The following MYBPH variants were observed in gnomAD, a reference collection of about 807,000 sequenced individuals.
MYBPH encodes myosin-binding protein H.
Under a neutral mutation model 53.6 loss-of-function variants are expected in MYBPH, and 49 were observed. The ratio of observed to expected loss-of-function variants is 0.91; its 90% confidence interval spans 0.73 to 1.16. The LOEUF is 1.16. Among genes scored for constraint, MYBPH ranks in the 50% most tolerant of loss-of-function variants. The pLI, the probability that MYBPH is intolerant of heterozygous loss-of-function variation, is 0.00. For synonymous variants in MYBPH, 239 were observed against 249.6 expected (o/e 0.96, Z 0.40); for missense variants, 558 against 624.1 (o/e 0.89, Z 1.13).
At chr1:203,174,260 A>T (rs1571822733) in intron 3 of MYBPH, 170 bp downstream of exon 3, 1 of 965,436 alleles carries the variant, frequency 1.0e-6, no homozygotes. Flanking sequence ...CTTACTGCTG[A>T]GGAACCTGGA....
At position 203,170,330 on chromosome 1, in the gene MYBPH, C is replaced by A. The variant is rs1295215452; in HGVS notation, c.1054G>T (p.Ala352Ser). ...SENLCGLSTS[A>S]TVTKELAHIQ... is the part of the protein sequence containing the mutation. ...TGGGCGAGCTCCTTGGTGACGGTGGCCGAGGTGCTGAGTCCACACAGGTTT... is the reference window on the plus strand; with the variant it reads ...TGGGCGAGCTCCTTGGTGACGGTGGACGAGGTGCTGAGTCCACACAGGTTT... The change falls in exon 7 of 11, where the codon GCC becomes TCC. Residue 352 changes from alanine (A) to serine (S), a missense_variant. Physicochemically the swap from Ala to Ser is moderately conservative, Grantham distance 99. Coordinates refer to ENST00000255416, the MANE Select transcript of MYBPH (RefSeq NM_004997.3). 1 of 1,614,098 alleles carries A rather than the reference C, an allele frequency of 6.2e-7. No individual in the cohort carries two copies. The highest frequency in any genetic ancestry group is 8.5e-7 in the Non-Finnish European group (1 of 1,180,004).
intron 6 of MYBPH, 133 bp from the exon 7 acceptor site, chr1:203,170,583 C>G: frequency 8.3e-7 from 1 of 1,207,342 alleles, no homozygotes; most frequent in South Asian, 1.6e-5. Context: ...AGCTTTGGGC[C>G]TCAGGGACAT....
At position 203,170,459 on chromosome 1, in the gene MYBPH, C is replaced by G; in HGVS notation, c.934-9G>C. On this transcript the variant is annotated splice_polypyrimidine_tract_variant and intron_variant, in intron 6 of 10. Coordinates refer to ENST00000255416, the MANE Select transcript of MYBPH (RefSeq NM_004997.3). ...AGCACTGTGAACCATTGCTGCAGGG[C>G]CCCGGGTGTCACCCTCATTTCTCAC... is the stretch of plus-strand genomic sequence containing the variant. 6.2e-7 allele frequency: 1 copy of G among 1,612,718 alleles called. No homozygotes were observed. Among genetic ancestry groups the G allele is most frequent in the Admixed American group, 1.7e-5 (1 of 59,926 alleles).
intron 8 of MYBPH, 49 bp downstream of exon 8, chr1:203,169,204 C>T: frequency 6.3e-7 from 1 of 1,576,480 alleles, no homozygotes; most frequent in Non-Finnish European, 8.6e-7. Context: ...GCCCTGCTGT[C>T]CCCACCTGCC....
In MYBPH at chr1:203,171,681, C is replaced by T; in HGVS notation, c.598-103G>A. 1 of 1,227,510 alleles carries T rather than the reference C, an allele frequency of 8.1e-7. No homozygotes were observed. The highest frequency in any genetic ancestry group is 1.1e-6 in the Non-Finnish European group (1 of 907,020). 76.0% of individuals were successfully genotyped at this position (1,227,510 alleles called of 1,614,324 possible). ...GAGCTGTTCTCGGGGAAGCCTGTCC[C>T]ACTGGCCCTTCTCAGGAGGGGCAGC... On this transcript the variant is annotated intron_variant, in intron 4 of 10. Coordinates refer to ENST00000255416, the MANE Select transcript of MYBPH (RefSeq NM_004997.3). The surrounding 1 kb of genome is among the most constrained non-coding windows in gnomAD (Gnocchi z 4.2).
chr1:203,178,465 C>G (rs934556799), upstream of MYBPH, among the ~76,000 whole-genome samples: 8 of 152,154 alleles, frequency 5.3e-5, no homozygotes, highest in Non-Finnish European at 1.2e-4. Flanking sequence ...ACTCCAGTCC[C>G]GAGAGGCAGG....
chr1:203,169,155 A>G (rs1272735568), intron 8 of MYBPH, 63 bp from the exon 9 acceptor site: 6 of 1,593,388 alleles, frequency 3.8e-6, no homozygotes, highest in Non-Finnish European at 8.6e-7. Flanking sequence ...CTCAACAGCT[A>G]TCCCCAGGCT....
chr1:203,174,202 G>A (rs1197169386), intron 3 of MYBPH, among the ~76,000 whole-genome samples: 1 of 152,222 alleles, frequency 6.6e-6, no homozygotes, highest in African/African-American at 2.4e-5. Flanking sequence ...CTCAAGGCGT[G>A]GGGGCTGGAC....
rs757155927 is a variant in MYBPH at position 203,171,029 on chromosome 1, C to A, written c.933+32G>T. 1 of 1,554,026 alleles carries A rather than the reference C, an allele frequency of 6.4e-7. No individual in the cohort carries two copies. The highest frequency in any genetic ancestry group is 2.0e-5 in the Admixed American group (1 of 51,234). Reference sequence around the variant, plus strand: ...TCCCCACCACCTTGACCACTTCGTACCCCGACCCCACTTTGCCTCAGCCAG... The same window carrying A: ...TCCCCACCACCTTGACCACTTCGTAACCCGACCCCACTTTGCCTCAGCCAG... On this transcript the variant is annotated intron_variant, in intron 6 of 10. Transcript: ENST00000255416. The surrounding 1 kb of genome is among the most constrained non-coding windows in gnomAD (Gnocchi z 4.2).
rs929025105 is a variant in MYBPH at position 203,169,525 on chromosome 1, C to T, written c.1094-136G>A. On this transcript the variant is annotated intron_variant, in intron 7 of 10. Transcript: ENST00000255416. ...AGGAACTTGGACAATCTCAAAGAGG[C>T]AGAGAAAGCTGAGACTGTAGCTGGG... is the stretch of plus-strand genomic sequence containing the variant. 2.2e-5 allele frequency: 28 copies of T among 1,276,502 alleles called. No homozygotes were observed. In the African/African-American group the frequency reaches 4.1e-4, roughly 19 times the overall value. 79.1% of individuals were successfully genotyped at this position (1,276,502 alleles called of 1,614,324 possible). A position where few individuals can be genotyped will look rare whatever the true frequency, so the allele number is the denominator to read the frequency against.
intron 9 of MYBPH, 53 bp from the exon 10 acceptor site, chr1:203,168,728 G>T (rs1655634319): frequency 6.3e-7 from 1 of 1,591,912 alleles, no homozygotes; most frequent in South Asian, 1.1e-5. Flanking sequence ...GAACTGGAAA[G>T]TTCACGGTTA....
rs980835254 is a variant in MYBPH at position 203,168,776 on chromosome 1, A to T, written c.1418-101T>A. The T allele has an allele frequency of 1.6e-5, 26 of 1,593,804 alleles. No homozygotes were observed. The African/African-American group carries it at 2.9e-4, about 18-fold the overall frequency. Reference sequence around the variant, plus strand: ...TACACCTGTCCACCCTGCCGCTTGGAAAGTAATCAGCACAGCCTGACCCCA... The same window carrying T: ...TACACCTGTCCACCCTGCCGCTTGGTAAGTAATCAGCACAGCCTGACCCCA... On this transcript the variant is annotated intron_variant, in intron 9 of 10. Coordinates refer to ENST00000255416, the MANE Select transcript of MYBPH (RefSeq NM_004997.3).
At chr1:203,174,310 C>A in intron 3 of MYBPH, 120 bp downstream of exon 3, 2 of 1,460,508 alleles carry the variant, frequency 1.4e-6, no homozygotes, top group Non-Finnish European at 1.8e-6. Context: ...GTGGCTTGTG[C>A]ATGTGAGCGT....
chr1:203,169,234 A>G lies in MYBPH; in HGVS notation c.1230+19T>C, dbSNP rs760848955. Reference sequence around the variant, plus strand: ...CCTGCCCCCACCAGCCCAGGGCACAACAGGGCCTGGCCCCTCACCTTGGGT... The same window carrying G: ...CCTGCCCCCACCAGCCCAGGGCACAGCAGGGCCTGGCCCCTCACCTTGGGT... On this transcript the variant is annotated intron_variant, in intron 8 of 10. Transcript: ENST00000255416. 3.1e-6 allele frequency: 5 copies of G among 1,593,462 alleles called. No individual in the cohort carries two copies. The South Asian group carries it at 4.6e-5, about 15-fold the overall frequency.
chr1:203,176,736 T>C (rs546818924), upstream of MYBPH, among the ~76,000 whole-genome samples: 7 of 152,294 alleles, frequency 4.6e-5, no homozygotes, highest in East Asian at 1.2e-3. Context: ...AAATGCCATG[T>C]GTCAGGAAGG....
Position 203,174,420 on chromosome 1 carries a change from T to A in MYBPH, c.508+10A>T, listed in dbSNP as rs762359068. 1.6e-5 allele frequency: 25 copies of A among 1,571,890 alleles called. No homozygotes were observed. In the African/African-American group the frequency reaches 2.4e-4, roughly 15 times the overall value. ...AGGGCTGGGTAGCTGAAGGCCAGGA[T>A]GGGCTTTACCAATGTTCTCTCGGAT... is the stretch of plus-strand genomic sequence containing the variant. On this transcript the variant is annotated intron_variant, in intron 3 of 10. Transcript: ENST00000255416.
Position 203,169,086 on chromosome 1 carries a change from T to C in MYBPH, c.1237A>G (p.Ile413Val), listed in dbSNP as rs1247459771. 6.2e-7 allele frequency: 1 copy of C among 1,613,774 alleles called. No homozygotes were observed. Among genetic ancestry groups the C allele is most frequent in the Non-Finnish European group, 8.5e-7 (1 of 1,179,960 alleles). The part of the protein sequence containing the change: ...CSVRASPKPK[I>V]IWMKNKMEIQ... Reference sequence around the variant, plus strand: ...TCCATCTTGTTTTTCATCCAGATGATCTTGGGCTGGGAGACATGGTCAGAA... The same window carrying C: ...TCCATCTTGTTTTTCATCCAGATGACCTTGGGCTGGGAGACATGGTCAGAA... The change falls in exon 9 of 11, where the codon ATC (isoleucine) becomes GTC (valine). Residue 413 changes from isoleucine (I) to valine (V), a missense_variant. Ile to Val is a conservative substitution (Grantham distance 29, BLOSUM62 3). Transcript: ENST00000255416.
At chr1:203,172,107 G>T in intron 3 of MYBPH, 67 bp from the exon 4 acceptor site, 1 of 1,005,256 alleles carries the variant, frequency 9.9e-7, no homozygotes, top group Non-Finnish European at 1.3e-6. Flanking sequence ...TCTGAGATGG[G>T]GCAGGGGACA....
rs1478653539 is a variant in MYBPH, at chr1:203,171,255, G to GC, written c.794-56dup. 6.4e-7 allele frequency: 1 copy of GC among 1,551,910 alleles called. No homozygotes were observed. Among genetic ancestry groups the GC allele is most frequent in the Non-Finnish European group, 8.7e-7 (1 of 1,147,342 alleles). On this transcript the variant is annotated intron_variant, in intron 5 of 10. Coordinates refer to ENST00000255416, the MANE Select transcript of MYBPH (RefSeq NM_004997.3). The surrounding 1 kb of genome is among the most constrained non-coding windows in gnomAD (Gnocchi z 4.2). ...GTGTGAGGGCCAGGCTGGCCACAGA[G>GC]CCCCCACACCCAAAATTTGGCTCTT...
Sources: allele counts gnomAD v4.1 joint callset (sites outside exome capture counted in the v4.1 genomes callset), GRCh38; gene constraint gnomAD v4.1.1; non-coding constraint Gnocchi (gnomAD v3.1); transcripts MANE v1.5; gene names NCBI Gene and HGNC (gene_info 2026-07-23, HGNC 2026-07-21).